BCAS3: variants seen among roughly 807,000 people sequenced by gnomAD.
BCAS3 encodes the protein BCAS3 microtubule associated cell migration factor, also known as BCAS4/BCAS3 fusion.
A neutral mutation model predicts 116.1 loss-of-function variants in BCAS3; 53 were observed. That is an observed-to-expected ratio of 0.46 (90% CI 0.37 to 0.57). BCAS3 has a LOEUF of 0.57. BCAS3 is among the 20% of genes least tolerant of loss of function. The probability of loss-of-function intolerance (pLI) is 0.00; values close to 1 mark genes in which losing one functional copy is unlikely to be tolerated. For synonymous variants in BCAS3, 391 were observed against 408.2 expected (o/e 0.96, Z 0.51); for missense variants, 917 against 1,165.4 (o/e 0.79, Z 3.10).
chr17:61,251,470 T>C lies in BCAS3; in HGVS notation c.2426-116857T>C, dbSNP rs1415601843. Among the ~76,000 whole-genome samples the C allele has an allele frequency of 6.6e-6, 1 of 151,800 alleles. No individual in the cohort carries two copies. Among genetic ancestry groups the C allele is most frequent in the Non-Finnish European group, 1.5e-5 (1 of 68,002 alleles). On this transcript the variant is annotated intron_variant, in intron 22 of 23. Coordinates refer to ENST00000407086, the MANE Select transcript of BCAS3 (RefSeq NM_017679.5). This position sits in a 1 kb window ranked among gnomAD's most constrained non-coding sequence, Gnocchi z 4.7. Reference sequence around the variant, plus strand: ...CTATAATCCCAACTACTAGGGAGGCTGAGGCAGGAGAATCACTTGAACGCG... The same window carrying C: ...CTATAATCCCAACTACTAGGGAGGCCGAGGCAGGAGAATCACTTGAACGCG...
Position 61,248,948 on chromosome 17 carries a change from C to A in BCAS3, c.2426-119379C>A, listed in dbSNP as rs971441347. 2.6e-5 allele frequency among the ~76,000 whole-genome samples: 4 copies of A among 152,120 alleles called. No individual in the cohort carries two copies. The highest frequency in any genetic ancestry group is 1.3e-4 in the Admixed American group (2 of 15,276). On this transcript the variant is annotated intron_variant, in intron 22 of 23. Transcript: ENST00000407086. This position sits in a 1 kb window ranked among gnomAD's most constrained non-coding sequence, Gnocchi z 4.3. ...GACGTTGTTTAGATGAATATATATT[C>A]TTTTCCTGTGTATTCTACTATTCCT...
At chr17:60,694,052 A>G (rs1476407814) in intron 4 of BCAS3, among the ~76,000 whole-genome samples, 1 of 150,622 alleles carries the variant, frequency 6.6e-6, no homozygotes, top group Non-Finnish European at 1.5e-5. Context: ...TGCCCGGCTA[A>G]TTTTTTGTAT....
At position 61,285,285 on chromosome 17, in the gene BCAS3, G is replaced by A. The variant is rs117451651; in HGVS notation, c.2426-83042G>A. On this transcript the variant is annotated intron_variant, in intron 22 of 23. Transcript: ENST00000407086. This position sits in a 1 kb window ranked among gnomAD's most constrained non-coding sequence, Gnocchi z 5.4. ...TCTTGCTAAAATGCAGCAAAGGAAG[G>A]GGAAACAAATACAACAGTGCACGGC... is the stretch of plus-strand genomic sequence containing the variant. Among the ~76,000 whole-genome samples the A allele has an allele frequency of 0.012, 1,810 of 148,660 alleles. 11 individuals are homozygous for A. The highest frequency in any genetic ancestry group is 0.016 in the Non-Finnish European group (1,093 of 67,546).
Position 61,243,623 on chromosome 17 carries a change from T to G in BCAS3, c.2426-124704T>G, listed in dbSNP as rs2047699322. Among the ~76,000 whole-genome samples, 1 of 152,216 alleles carries G rather than the reference T, an allele frequency of 6.6e-6. No individual in the cohort carries two copies. The highest frequency in any genetic ancestry group is 2.1e-4 in the South Asian group (1 of 4,830). On this transcript the variant is annotated intron_variant, in intron 22 of 23. Coordinates refer to ENST00000407086, the MANE Select transcript of BCAS3 (RefSeq NM_017679.5). The surrounding 1 kb of genome is among the most constrained non-coding windows in gnomAD (Gnocchi z 5.6). ...GACTTAGAATTGAGTACAGTTTGAT[T>G]GAATCAAGGGTAATCACCATTATCC...
chr17:60,694,142 T>C (rs1385234207), intron 4 of BCAS3, among the ~76,000 whole-genome samples: 1 of 150,494 alleles, frequency 6.6e-6, no homozygotes, highest in Non-Finnish European at 1.5e-5. Flanking sequence ...CGCTTCGGCC[T>C]TCCAAAGTGC....
chr17:60,996,188 C>T (rs1280765524), intron 15 of BCAS3, among the ~76,000 whole-genome samples: 1 of 152,084 alleles, frequency 6.6e-6, no homozygotes, highest in Non-Finnish European at 1.5e-5. Flanking sequence ...ATAAGAGTGA[C>T]ATGATAATAC....
chr17:60,860,141 C>T (rs1001272915), intron 7 of BCAS3, among the ~76,000 whole-genome samples: 2 of 152,154 alleles, frequency 1.3e-5, no homozygotes, highest in African/African-American at 2.4e-5. Flanking sequence ...CCCTTTTCTC[C>T]ACAACCTCGC....
chr17:60,922,511 G>A (rs1271903599), intron 12 of BCAS3, among the ~76,000 whole-genome samples: 2 of 152,100 alleles, frequency 1.3e-5, no homozygotes, highest in Non-Finnish European at 2.9e-5. Context: ...TTTTCCACAT[G>A]CATGTTAGTA....
chr17:60,691,225 G>A (rs1052381816), intron 4 of BCAS3, among the ~76,000 whole-genome samples: 1 of 152,098 alleles, frequency 6.6e-6, no homozygotes, highest in African/African-American at 2.4e-5. Flanking sequence ...GAGCCACTGC[G>A]CCCAGCCTCC....
In BCAS3 at chr17:60,990,259, T is replaced by G; in HGVS notation, c.1486+24T>G. 6.2e-7 allele frequency: 1 copy of G among 1,605,682 alleles called. No individual in the cohort carries two copies. Among genetic ancestry groups the G allele is most frequent in the Non-Finnish European group, 8.5e-7 (1 of 1,173,640 alleles). On this transcript the variant is annotated intron_variant, in intron 15 of 23. Transcript: ENST00000407086. The surrounding 1 kb of genome is among the most constrained non-coding windows in gnomAD (Gnocchi z 5.1). ...TGGTAATTTTCTCTGTCTCCACTGT[T>G]ATCTTGAATCTTCCTTCCCTTTGTC...
chr17:61,201,651 C>A (rs1042416177), intron 22 of BCAS3, among the ~76,000 whole-genome samples: 1 of 152,124 alleles, frequency 6.6e-6, no homozygotes, highest in African/African-American at 2.4e-5. Flanking sequence ...GTACCATGAC[C>A]CCCTTCGTGA....
intron 6 of BCAS3, among the ~76,000 whole-genome samples, chr17:60,775,058 A>G (rs995344835): frequency 3.3e-5 from 5 of 152,334 alleles, no homozygotes; most frequent in South Asian, 2.1e-4. Context: ...GTGAGTTTTT[A>G]TAAATAAAGA....
In BCAS3 at chr17:61,391,706, G is replaced by A. The variant is rs1320167295; in HGVS notation, c.2594-271G>A. 4.3e-6 allele frequency: 2 copies of A among 465,662 alleles called. No homozygotes were observed. The highest frequency in any genetic ancestry group is 3.7e-5 in the Admixed American group (1 of 26,798). 28.8% of individuals were successfully genotyped at this position (465,662 alleles called of 1,614,324 possible). On this transcript the variant is annotated intron_variant, in intron 23 of 23. Transcript: ENST00000407086. This position sits in a 1 kb window ranked among gnomAD's most constrained non-coding sequence, Gnocchi z 7.7. Reference sequence around the variant, plus strand: ...TGTAGTCCACACACATCGTCAGGGTGGCCGTGCTTCGGGCCTAAAGGGCTT... The same window carrying A: ...TGTAGTCCACACACATCGTCAGGGTAGCCGTGCTTCGGGCCTAAAGGGCTT...
chr17:60,908,156 T>G (rs549274443), intron 11 of BCAS3, among the ~76,000 whole-genome samples: 1 of 146,488 alleles, frequency 6.8e-6, no homozygotes, highest in South Asian at 2.1e-4. Flanking sequence ...AATAGTCATG[T>G]TTTTTTTTTC....
intron 22 of BCAS3, among the ~76,000 whole-genome samples, chr17:61,335,438 C>G (rs1027363896): frequency 1.3e-5 from 2 of 152,222 alleles, no homozygotes; most frequent in African/African-American, 2.4e-5. Flanking sequence ...GTAAGACTCT[C>G]AGCAATGACG....
intron 22 of BCAS3, among the ~76,000 whole-genome samples, chr17:61,133,859 C>CAAAAAAAAAAA (rs11449964): frequency 4.9e-5 from 4 of 81,914 alleles, no homozygotes; most frequent in African/African-American, 1.4e-4. Context: ...CCTGGAATCT[C>CAAAAAAAAAAA]AAAAAAAAAA....
intron 15 of BCAS3, among the ~76,000 whole-genome samples, chr17:60,997,844 T>G (rs1268248247): frequency 6.6e-6 from 1 of 152,200 alleles, no homozygotes; most frequent in Non-Finnish European, 1.5e-5. Context: ...TTCTGCCTAT[T>G]ATTATTGGTT....
At chr17:61,086,213 C>T (rs1408478852) in intron 22 of BCAS3, among the ~76,000 whole-genome samples, 1 of 152,176 alleles carries the variant, frequency 6.6e-6, no homozygotes, top group African/African-American at 2.4e-5. Flanking sequence ...CTCGGCTTCC[C>T]GAGTAGCTGA....
At chr17:61,322,814 G>GAGAGAGAGAC (rs2055362544) in intron 22 of BCAS3, among the ~76,000 whole-genome samples, 1 of 130,952 alleles carries the variant, frequency 7.6e-6, no homozygotes, top group Non-Finnish European at 1.6e-5. Context: ...GAGAGAGAGA[G>GAGAGAGAGAC]AGAGAGAGAG....
Sources: allele counts gnomAD v4.1 joint callset (sites outside exome capture counted in the v4.1 genomes callset), GRCh38; gene constraint gnomAD v4.1.1; non-coding constraint Gnocchi (gnomAD v3.1); transcripts MANE v1.5; gene names NCBI Gene and HGNC (gene_info 2026-07-23, HGNC 2026-07-21).